Variants in SCHIP1 observed in about 807,000 individuals in gnomAD.
SCHIP1 encodes the protein schwannomin-interacting protein 1.
Under a neutral mutation model 29.7 loss-of-function variants are expected in SCHIP1, and 8 were observed. The ratio of observed to expected loss-of-function variants is 0.27; its 90% confidence interval spans 0.16 to 0.49. The LOEUF is 0.49. Among genes scored for constraint, SCHIP1 ranks in the 20% least tolerant of loss-of-function variants. The probability of loss-of-function intolerance (pLI) is 0.99; values close to 1 mark genes in which losing one functional copy is unlikely to be tolerated. For missense variants in SCHIP1, 193 were observed against 294.6 expected (o/e 0.66, Z 2.52); for synonymous variants, 76 against 94.9 (o/e 0.80, Z 1.16).
At chr3:159,420,882 T>C in the SCHIP1 span, among the ~76,000 whole-genome samples, 2 of 152,240 alleles carry the variant, frequency 1.3e-5, no homozygotes, top group Non-Finnish European at 2.9e-5. Flanking sequence ...AGTATTATCC[T>C]GGCCATATGG....
the SCHIP1 span, among the ~76,000 whole-genome samples, chr3:159,308,274 C>G: frequency 6.6e-6 from 1 of 152,024 alleles, no homozygotes; most frequent in African/African-American, 2.4e-5. Context: ...TACTCACAAA[C>G]TATGCATCAG....
At chr3:159,281,333 C>G in the SCHIP1 span, among the ~76,000 whole-genome samples, 1 of 152,000 alleles carries the variant, frequency 6.6e-6, no homozygotes, top group African/African-American at 2.4e-5. Context: ...ATAATTACAC[C>G]GAAATATTCT....
the SCHIP1 span, among the ~76,000 whole-genome samples, chr3:159,411,515 G>A: frequency 6.6e-6 from 1 of 152,076 alleles, no homozygotes; most frequent in South Asian, 2.1e-4. Context: ...TGGAAAATAA[G>A]TCAAAAATTA....
the SCHIP1 span, among the ~76,000 whole-genome samples, chr3:159,308,245 C>G: frequency 2.6e-5 from 4 of 151,994 alleles, no homozygotes; most frequent in South Asian, 2.1e-4. Flanking sequence ...TCATCTACAG[C>G]CTACAGAATG....
the SCHIP1 span, among the ~76,000 whole-genome samples, chr3:159,539,859 T>C: frequency 1.7e-4 from 26 of 150,492 alleles, 3 homozygotes; most frequent in African/African-American, 6.3e-4. Context: ...AAATCTTACA[T>C]TGAGAACTAT....
the SCHIP1 span, among the ~76,000 whole-genome samples, chr3:159,780,740 G>A: frequency 6.6e-6 from 1 of 152,210 alleles, no homozygotes; most frequent in Non-Finnish European, 1.5e-5. Context: ...GGGATGGGAT[G>A]ACAGGGCAGA....
At chr3:159,743,149 G>A in the SCHIP1 span, among the ~76,000 whole-genome samples, 291 of 152,294 alleles carry the variant, frequency 1.9e-3, 2 homozygotes, top group Admixed American at 2.2e-3. Flanking sequence ...CTCCTAGGCT[G>A]AATGGATTCT....
At chr3:159,473,674 G>GAAAAAA in the SCHIP1 span, among the ~76,000 whole-genome samples, 137 of 81,372 alleles carry the variant, frequency 1.7e-3, no homozygotes, top group African/African-American at 3.3e-3. Context: ...ATGTAACTAC[G>GAAAAAA]AAAAAAAAAA....
the SCHIP1 span, among the ~76,000 whole-genome samples, chr3:159,806,057 G>A: frequency 7.9e-5 from 12 of 152,202 alleles, no homozygotes; most frequent in East Asian, 1.4e-3. Flanking sequence ...TGATCCACCC[G>A]CCTCGGCCTC....
At chr3:159,840,354 T>G (rs2109016337) in intron 1 of SCHIP1, 2 of 725,514 alleles carry the variant, frequency 2.8e-6, no homozygotes, top group South Asian at 3.3e-5. Context: ...GTGCAGTATC[T>G]GAATTGTAAT....
At chr3:159,398,914 C>A in the SCHIP1 span, 1 of 966,918 alleles carries the variant, frequency 1.0e-6, no homozygotes, top group East Asian at 1.1e-4. Context: ...GTCAGATATA[C>A]TATACAGAAC....
At chr3:159,283,519 T>A in the SCHIP1 span, among the ~76,000 whole-genome samples, 1 of 152,176 alleles carries the variant, frequency 6.6e-6, no homozygotes, top group Admixed American at 6.5e-5. Flanking sequence ...TTTCCTTTTT[T>A]TTTTTTTGAG....
At chr3:159,461,633 T>G in the SCHIP1 span, among the ~76,000 whole-genome samples, 14 of 151,510 alleles carry the variant, frequency 9.2e-5, no homozygotes, top group South Asian at 1.5e-3. Flanking sequence ...TGGAGTGCAG[T>G]GGTGCAATCT....
At chr3:159,567,439 G>A in the SCHIP1 span, among the ~76,000 whole-genome samples, 1 of 151,918 alleles carries the variant, frequency 6.6e-6, no homozygotes, top group Admixed American at 6.6e-5. Context: ...TGTTTCTCCT[G>A]ATGGCCTAAC....
the SCHIP1 span, among the ~76,000 whole-genome samples, chr3:159,527,214 G>GT: frequency 6.6e-6 from 1 of 152,158 alleles, no homozygotes; most frequent in Non-Finnish European, 1.5e-5. Flanking sequence ...TCATAACAGT[G>GT]TATCAAAATC....
chr3:159,489,780 T>C, the SCHIP1 span, among the ~76,000 whole-genome samples: 1 of 152,240 alleles, frequency 6.6e-6, no homozygotes, highest in South Asian at 2.1e-4. Flanking sequence ...TAAAAGATGA[T>C]CTATTTGTAC....
chr3:159,290,321 A>G, the SCHIP1 span, among the ~76,000 whole-genome samples: 1 of 152,176 alleles, frequency 6.6e-6, no homozygotes, highest in East Asian at 1.9e-4. Flanking sequence ...GGTGGTAAAT[A>G]AGTGTCTGTA....
chr3:159,458,026 A>G, the SCHIP1 span, among the ~76,000 whole-genome samples: 41 of 152,334 alleles, frequency 2.7e-4, no homozygotes, highest in African/African-American at 9.4e-4. Context: ...TGGCTTAGCA[A>G]TTAATAAAAC....
chr3:159,841,837 G>T (rs1282083492), intron 1 of SCHIP1, among the ~76,000 whole-genome samples: 1 of 152,198 alleles, frequency 6.6e-6, no homozygotes. Context: ...ATAAAATTAA[G>T]TGTATTGGTT....
Sources: allele counts gnomAD v4.1 joint callset (sites outside exome capture counted in the v4.1 genomes callset), GRCh38; gene constraint gnomAD v4.1.1; transcripts MANE v1.5; gene names NCBI Gene and HGNC (gene_info 2026-07-23, HGNC 2026-07-21).